SAXO1: variants seen among roughly 807,000 people sequenced by gnomAD.
SAXO1 encodes the protein stabilizer of axonemal microtubules 1, also known as 4930500O09Rik.
SAXO1 carries 21 observed loss-of-function variants against 17.5 expected under a neutral mutation model. The ratio of observed to expected loss-of-function variants is 1.20; its 90% CI spans 0.85 to 1.72. SAXO1 has a LOEUF of 1.72. Among genes scored for constraint, SAXO1 ranks in the 40% most tolerant of loss-of-function variants. SAXO1 has a pLI of 0.00. For missense variants in SAXO1, 843 were observed against 596.0 expected (o/e 1.41, Z -4.32); for synonymous variants, 274 against 216.5 (o/e 1.27, Z -2.33).
intron 3 of SAXO1, among the ~76,000 whole-genome samples, chr9:18,940,075 C>T (rs1380786698): frequency 1.3e-5 from 2 of 152,104 alleles, no homozygotes; most frequent in African/African-American, 4.8e-5. Context: ...AGCTGGGCTC[C>T]AAAGATAGGC....
intron 1 of SAXO1, among the ~76,000 whole-genome samples, chr9:19,031,900 T>G (rs913369206): frequency 5.3e-5 from 8 of 152,218 alleles, no homozygotes; most frequent in African/African-American, 1.9e-4. Context: ...CCTTTAATTC[T>G]CCACACTACT....
chr9:18,975,113 A>G (rs531439504), intron 1 of SAXO1, among the ~76,000 whole-genome samples: 2 of 152,286 alleles, frequency 1.3e-5, no homozygotes, highest in South Asian at 4.1e-4. Context: ...GCAGCTATGG[A>G]GAAATAAGAG....
chr9:19,014,814 A>T (rs970406009), intron 1 of SAXO1, among the ~76,000 whole-genome samples: 1 of 152,176 alleles, frequency 6.6e-6, no homozygotes, highest in East Asian at 1.9e-4. Flanking sequence ...GAGGCTCTAC[A>T]TGAAAAATAA....
chr9:19,041,102 G>A (rs1329128050), intron 1 of SAXO1, among the ~76,000 whole-genome samples: 2 of 140,578 alleles, frequency 1.4e-5, no homozygotes, highest in African/African-American at 2.7e-5. Context: ...AACATTGCAG[G>A]ATACAAAACC....
At chr9:19,009,941 C>G (rs1834654536) in intron 1 of SAXO1, among the ~76,000 whole-genome samples, 1 of 151,982 alleles carries the variant, frequency 6.6e-6, no homozygotes, top group East Asian at 1.9e-4. Flanking sequence ...ATCTTTCCAC[C>G]TCAGCTTCCC....
At chr9:19,001,037 G>C (rs1259957728) in intron 1 of SAXO1, among the ~76,000 whole-genome samples, 2 of 151,880 alleles carry the variant, frequency 1.3e-5, no homozygotes, top group Non-Finnish European at 2.9e-5. Context: ...AACGAGATCT[G>C]TCTAATTAAC....
intron 1 of SAXO1, chr9:19,027,920 C>A: frequency 7.1e-7 from 1 of 1,399,612 alleles, no homozygotes; most frequent in Non-Finnish European, 1.0e-6. Flanking sequence ...TGCAGATCCA[C>A]TCCCAAAAGA....
chr9:18,979,499 A>G (rs1833282671), intron 1 of SAXO1, among the ~76,000 whole-genome samples: 1 of 152,180 alleles, frequency 6.6e-6, no homozygotes, highest in African/African-American at 2.4e-5. Flanking sequence ...CTCAGGGAGA[A>G]GGCAGGGGGC....
In SAXO1 at chr9:19,026,913, G is replaced by A. The variant is rs114734707; in HGVS notation, c.38+5958C>T. 2,861 of 768,402 alleles carry A rather than the reference G, an allele frequency of 3.7e-3. 55 individuals carry two copies. In the African/African-American group the frequency reaches 0.044, roughly 12 times the overall value. 47.6% of individuals were successfully genotyped at this position (768,402 alleles called of 1,614,324 possible). On this transcript the variant is annotated intron_variant, in intron 1 of 3. Coordinates refer to ENST00000380534, the MANE Select transcript of SAXO1 (RefSeq NM_153707.4). Reference sequence around the variant, plus strand: ...GAAGATGGCAACCGTGTGGGATGAGGCCAAGCAAGATGGAACTGGGGTGGA... The same window carrying A: ...GAAGATGGCAACCGTGTGGGATGAGACCAAGCAAGATGGAACTGGGGTGGA...
chr9:18,979,753 A>T (rs1047286778), intron 1 of SAXO1, among the ~76,000 whole-genome samples: 1 of 152,202 alleles, frequency 6.6e-6, no homozygotes, highest in Non-Finnish European at 1.5e-5. Context: ...AGGCAGGAGG[A>T]TCACTTGAGC....
At chr9:19,008,588 T>C (rs752847428) in intron 1 of SAXO1, among the ~76,000 whole-genome samples, 1 of 152,198 alleles carries the variant, frequency 6.6e-6, no homozygotes, top group Non-Finnish European at 1.5e-5. Context: ...AAATGCTAGA[T>C]ACCTACCCGA....
chr9:18,958,360 G>A (rs938932645), intron 1 of SAXO1, among the ~76,000 whole-genome samples: 14 of 152,118 alleles, frequency 9.2e-5, no homozygotes, highest in African/African-American at 2.9e-4. Context: ...AGAGGCAGAG[G>A]TTGCCCTGAG....
At chr9:19,035,699 A>G (rs1835917974), upstream of SAXO1, among the ~76,000 whole-genome samples, 1 of 152,182 alleles carries the variant, frequency 6.6e-6, no homozygotes, top group Non-Finnish European at 1.5e-5. Context: ...GTCCAGGCTG[A>G]GGTGGTCTCA....
chr9:19,015,429 C>T (rs1255092307), intron 1 of SAXO1, among the ~76,000 whole-genome samples: 1 of 152,102 alleles, frequency 6.6e-6, no homozygotes, highest in Non-Finnish European at 1.5e-5. Context: ...CTGCAAGCTC[C>T]GCCTCCCGGA....
chr9:19,032,290 T>A (rs1197457331), intron 1 of SAXO1, among the ~76,000 whole-genome samples: 2 of 152,172 alleles, frequency 1.3e-5, no homozygotes, highest in East Asian at 1.9e-4. Context: ...AGTCCATGAT[T>A]TCCCCCAGGA....
intron 3 of SAXO1, among the ~76,000 whole-genome samples, 158 bp downstream of exon 3, chr9:18,941,479 C>T (rs1563931491): frequency 1.3e-5 from 2 of 152,174 alleles, no homozygotes; most frequent in Non-Finnish European, 2.9e-5. Flanking sequence ...CTTCTTAGCT[C>T]TCCAGCTATA....
At chr9:19,028,024 G>C (rs1030171477) in intron 1 of SAXO1, 29 of 1,608,564 alleles carry the variant, frequency 1.8e-5, no homozygotes, top group Non-Finnish European at 2.3e-5. Flanking sequence ...TGTGGAGGCG[G>C]GTATGATCGC....
At chr9:19,045,243 G>A (rs1836181093) in intron 1 of SAXO1, among the ~76,000 whole-genome samples, 1 of 146,226 alleles carries the variant, frequency 6.8e-6, no homozygotes, top group South Asian at 2.2e-4. Context: ...CTGGGAAGCG[G>A]AGCTTGCAGT....
upstream of SAXO1, among the ~76,000 whole-genome samples, chr9:19,033,661 G>C (rs370914754): frequency 2.4e-4 from 36 of 152,342 alleles, 2 homozygotes; most frequent in East Asian, 5.6e-3. Flanking sequence ...AGTGGTTTAA[G>C]AGCGCCCAGG....
Sources: gnomAD v4.1 joint callset for allele counts (sites outside exome capture counted in the v4.1 genomes callset) on GRCh38, gnomAD v4.1.1 for gene constraint, MANE v1.5 for transcripts, NCBI Gene and HGNC (gene_info 2026-07-23, HGNC 2026-07-21) for gene names.